Variants in DHRS4L2 observed in about 807,000 individuals in gnomAD.
The protein encoded by DHRS4L2 is dehydrogenase/reductase SDR family member 4-like 2.
Under a neutral mutation model 23.9 loss-of-function variants are expected in DHRS4L2, and 22 were observed. The observed-to-expected ratio is 0.92, with a 90% CI of 0.66 to 1.31. The LOEUF (loss-of-function observed/expected upper bound fraction) is 1.31. Ranked by LOEUF, DHRS4L2 falls within the 40% of genes most tolerant of loss-of-function variation. The pLI is 0.00. For synonymous variants in DHRS4L2, 141 were observed against 123.7 expected, an observed-to-expected ratio of 1.14 and a Z score of -0.93; for missense variants, 385 against 303.3, an observed-to-expected ratio of 1.27 and a Z score of -2.00.
intron 1 of DHRS4L2, among the ~76,000 whole-genome samples, chr14:23,976,796 C>G (rs2033974879): frequency 6.6e-6 from 1 of 151,804 alleles, no homozygotes; most frequent in African/African-American, 2.4e-5. Context: ...GAGTTCGTGT[C>G]CTTTGCAGGG....
chr14:23,970,668 G>C (rs2332161), intron 1 of DHRS4L2, among the ~76,000 whole-genome samples: 3 of 151,942 alleles, frequency 2.0e-5, no homozygotes, highest in Non-Finnish European at 4.4e-5. Context: ...CTGCCTCCCC[G>C]AGTGGGTCCC....
upstream of DHRS4L2, among the ~76,000 whole-genome samples, chr14:23,984,043 AG>A (rs1456180262): frequency 6.6e-6 from 1 of 151,714 alleles, no homozygotes; most frequent in Non-Finnish European, 1.5e-5. Context: ...ATTTAAAAAA[AG>A]AAAAAATGTA....
rs545892059 is a variant in DHRS4L2, at chr14:23,997,861, T to C, written c.408+2728T>C. ...GACCTCCTCCCATGAATCACAAATA[T>C]TCTTAATGGCATCTAAAATGGTGCA... On this transcript the variant is annotated intron_variant, in intron 3 of 7. Coordinates refer to ENST00000335125, the MANE Select transcript of DHRS4L2 (RefSeq NM_198083.4). Among the ~76,000 whole-genome samples the C allele has an allele frequency of 1.5e-4, 23 of 152,004 alleles. 1 individual carries two copies. In the South Asian group the frequency reaches 3.3e-3, roughly 22 times the overall value.
chr14:23,992,026 T>C (rs4982832), intron 2 of DHRS4L2, among the ~76,000 whole-genome samples: 139,016 of 151,434 alleles, frequency 0.92, 64,216 homozygotes, highest in African/African-American at 0.97. Flanking sequence ...TGAGCCACTG[T>C]GCCCGGCCAT....
chr14:24,006,392 C>T lies in DHRS4L2; in HGVS notation c.*529C>T, dbSNP rs1204145273. 4.8e-6 allele frequency: 1 copy of T among 210,388 alleles called. No homozygotes were observed. Among genetic ancestry groups the T allele is most frequent in the South Asian group, 6.8e-5 (1 of 14,616 alleles). 13.0% of individuals were successfully genotyped at this position (210,388 alleles called of 1,614,324 possible). On this transcript the variant is annotated 3_prime_UTR_variant, in exon 8 of 8. Coordinates refer to ENST00000335125, the MANE Select transcript of DHRS4L2 (RefSeq NM_198083.4). ...GGTGCAAATAAAATGCAGATGATTG[C>T]GCGGCTTTGAATCCAATTGACCTGT...
chr14:23,981,577 CAA>C (rs1281741458), intron 1 of DHRS4L2, among the ~76,000 whole-genome samples: 2 of 151,632 alleles, frequency 1.3e-5, no homozygotes, highest in Non-Finnish European at 2.9e-5. Flanking sequence ...GACACAGAGA[CAA>C]AGTATAGAGA....
intron 2 of DHRS4L2, chr14:23,991,068 C>A (rs969999242): frequency 2.5e-5 from 5 of 198,720 alleles, no homozygotes; most frequent in African/African-American, 9.5e-5. Flanking sequence ...GCTCCTCTTC[C>A]CTTGAGGCTC....
intron 1 of DHRS4L2, among the ~76,000 whole-genome samples, chr14:23,972,714 C>G (rs182701487): frequency 6.6e-6 from 1 of 151,592 alleles, no homozygotes; most frequent in Non-Finnish European, 1.5e-5. Context: ...TACCAAGGAC[C>G]TGCACCGGCA....
rs1034627897 is a variant in DHRS4L2, at chr14:23,999,394, G to C, written c.409-1469G>C. On this transcript the variant is annotated intron_variant, in intron 3 of 7. Coordinates refer to ENST00000335125, the MANE Select transcript of DHRS4L2 (RefSeq NM_198083.4). ...AAAAAACAATATCTGCAAAGCATAA[G>C]AAAATATGTGTCTATAACTTTTCTT... Among the ~76,000 whole-genome samples, 4 of 95,280 alleles carry C rather than the reference G, an allele frequency of 4.2e-5. No individual in the cohort carries two copies. The South Asian group carries it at 1.4e-3, about 33-fold the overall frequency. The allele number at this position is 95,280 out of a possible 152,430, so 62.5% of individuals were successfully genotyped here.
rs2332161 is a variant in DHRS4L2, at chr14:23,970,668, G to A, written c.-176+336G>A. On this transcript the variant is annotated intron_variant, in intron 1 of 5. Transcript: ENST00000534993. Reference sequence around the variant, plus strand: ...CCGATAACGGACAGACTGCCTCCCCGAGTGGGTCCCTGACCCCCATGTAGC... The same window carrying A: ...CCGATAACGGACAGACTGCCTCCCCAAGTGGGTCCCTGACCCCCATGTAGC... 1.5e-3 allele frequency among the ~76,000 whole-genome samples: 229 copies of A among 151,834 alleles called. 2 individuals carry two copies. The East Asian group carries it at 0.021, about 14-fold the overall frequency.
chr14:23,970,644 C>T (rs142575658), intron 1 of DHRS4L2, among the ~76,000 whole-genome samples: 6,056 of 152,102 alleles, frequency 0.04, 365 homozygotes, highest in African/African-American at 0.12. Context: ...GTTCGTGCTC[C>T]GATAACGGAC....
upstream of DHRS4L2, among the ~76,000 whole-genome samples, chr14:23,984,244 G>A (rs1315641004): frequency 1.3e-5 from 2 of 151,440 alleles, no homozygotes; most frequent in Non-Finnish European, 2.9e-5. Context: ...AAGAACCATA[G>A]GGAAGAGTTA....
At chr14:23,999,344 TAAAAAAAAAAA>T (rs71426825) in intron 3 of DHRS4L2, among the ~76,000 whole-genome samples, 1,213 of 53,678 alleles carry the variant, frequency 0.023, 27 homozygotes, top group African/African-American at 0.05. Context: ...CTCCAATTTG[TAAAAAAAAAAA>T]AAAAAAAAAA....
Position 23,971,475 on chromosome 14 carries a change from T to A in DHRS4L2, c.-176+1143T>A, listed in dbSNP as rs948861179. On this transcript the variant is annotated intron_variant, in intron 1 of 5. Transcript: ENST00000534993. ...AGACAAAAAAATAAAAAAGAAACAT[T>A]CAAATTCAGGAAATACAGAGAACAT... 1.3e-5 allele frequency among the ~76,000 whole-genome samples: 2 copies of A among 151,698 alleles called. 1 individual carries two copies. Among genetic ancestry groups the A allele is most frequent in the Non-Finnish European group, 2.9e-5 (2 of 67,928 alleles).
rs1185428631 is a variant in DHRS4L2 at position 23,977,791 on chromosome 14, G to A, written c.-176+7459G>A. 8.6e-5 allele frequency among the ~76,000 whole-genome samples: 13 copies of A among 151,454 alleles called. 1 individual carries two copies. The highest frequency in any genetic ancestry group is 2.1e-4 in the South Asian group (1 of 4,796). On this transcript the variant is annotated intron_variant, in intron 1 of 5. Coordinates refer to the DHRS4L2 transcript ENST00000534993. ...TGTTGTATATTAATTTCCCATTGTTGTCCTGCTTTGCTTAGACCAGATGAC... is the reference window on the plus strand; with the variant it reads ...TGTTGTATATTAATTTCCCATTGTTATCCTGCTTTGCTTAGACCAGATGAC...
At chr14:23,999,367 A>AAAAAAAAAAAAAAAAACAAAAC (rs1555330042) in intron 3 of DHRS4L2, among the ~76,000 whole-genome samples, 5 of 116,794 alleles carry the variant, frequency 4.3e-5, no homozygotes, top group Admixed American at 9.6e-5. Context: ...AAAAAAAAAA[A>AAAAAAAAAAAAAAAAACAAAAC]AAAAAAACAA....
intron 1 of DHRS4L2, among the ~76,000 whole-genome samples, chr14:23,975,285 A>C (rs562313022): frequency 2.5e-4 from 38 of 151,716 alleles, no homozygotes; most frequent in African/African-American, 5.3e-4. Flanking sequence ...TCCTATATGC[A>C]AATAATAGAC....
chr14:23,987,371 C>T (rs573642282), upstream of DHRS4L2: 28 of 198,042 alleles, frequency 1.4e-4, no homozygotes, highest in Non-Finnish European at 2.6e-4. Flanking sequence ...CCCCGTGATC[C>T]GCCCGCCTCG....
At chr14:23,975,019 G>A (rs976805615) in intron 1 of DHRS4L2, among the ~76,000 whole-genome samples, 30 of 151,632 alleles carry the variant, frequency 2.0e-4, no homozygotes, top group Admixed American at 5.3e-4. Flanking sequence ...CTGGCAAACC[G>A]AATCCAGCAT....
Sources: gnomAD v4.1 joint callset for allele counts (sites outside exome capture counted in the v4.1 genomes callset) on GRCh38, gnomAD v4.1.1 for gene constraint, MANE v1.5 for transcripts, NCBI Gene and HGNC (gene_info 2026-07-23, HGNC 2026-07-21) for gene names.